ADGRL2: variants seen among roughly 807,000 people sequenced by gnomAD.
ADGRL2 encodes the protein calcium-independent alpha-latrotoxin receptor 2.
In ADGRL2, 44 loss-of-function variants were observed where a neutral mutation model predicts 157.4. That is an observed-to-expected ratio of 0.28 (90% CI 0.22 to 0.36). The LOEUF (loss-of-function observed/expected upper bound fraction) is 0.36. Among genes scored for constraint, ADGRL2 ranks in the 10% least tolerant of loss-of-function variants. ADGRL2 has a pLI of 1.00. For synonymous variants in ADGRL2, 585 were observed against 624.7 expected (o/e 0.94, Z 0.95); for missense variants, 1,510 against 1,768.9 (o/e 0.85, Z 2.63).
intron 1 of ADGRL2, among the ~76,000 whole-genome samples, chr1:81,387,028 G>T (rs112740888): frequency 1.1e-4 from 16 of 152,168 alleles, no homozygotes; most frequent in African/African-American, 3.6e-4. Flanking sequence ...CCTTTTAAAA[G>T]AAAATTTTAG....
chr1:81,690,607 G>C (rs2083312343), intron 3 of ADGRL2, among the ~76,000 whole-genome samples: 1 of 152,222 alleles, frequency 6.6e-6, no homozygotes, highest in Non-Finnish European at 1.5e-5. Flanking sequence ...ATGTAAAAGA[G>C]TTGTTTTGGC....
At chr1:81,323,242 G>GGTTTTTTTTGTTTT (rs1553153428) in intron 1 of ADGRL2, among the ~76,000 whole-genome samples, 354 of 151,226 alleles carry the variant, frequency 2.3e-3, no homozygotes, top group African/African-American at 8.1e-3. Context: ...AAATTTTTCT[G>GGTTTTTTTTGTTTT]TTTTTTTTGT....
At chr1:81,957,417 C>T (rs1027615289) in intron 11 of ADGRL2, among the ~76,000 whole-genome samples, 8 of 152,040 alleles carry the variant, frequency 5.3e-5, no homozygotes, top group Admixed American at 2.6e-4. Flanking sequence ...GATTATTTTT[C>T]GCTGGGCACA....
At chr1:81,749,428 T>C (rs1028548894) in intron 1 of ADGRL2, among the ~76,000 whole-genome samples, 1 of 152,176 alleles carries the variant, frequency 6.6e-6, no homozygotes, top group African/African-American at 2.4e-5. Flanking sequence ...TGTTCTCTCA[T>C]TTTTCTTCAT....
intron 1 of ADGRL2, among the ~76,000 whole-genome samples, chr1:81,802,555 C>T (rs2088403207): frequency 6.6e-6 from 1 of 152,158 alleles, no homozygotes; most frequent in African/African-American, 2.4e-5. Context: ...GGATGAGGCT[C>T]CCGTAGCCAT....
At chr1:81,490,504 G>T (rs1049878321) in intron 2 of ADGRL2, among the ~76,000 whole-genome samples, 2 of 152,096 alleles carry the variant, frequency 1.3e-5, no homozygotes, top group Non-Finnish European at 2.9e-5. Context: ...GACTAAATAG[G>T]CAAGTTATTA....
In ADGRL2 at chr1:81,457,600, T is replaced by C. The variant is rs78608662; in HGVS notation, c.-248+12511T>C. Among the ~76,000 whole-genome samples the C allele has an allele frequency of 2.0e-4, 30 of 152,340 alleles. No homozygotes were observed. The East Asian group carries it at 4.8e-3, about 24-fold the overall frequency. On this transcript the variant is annotated intron_variant, in intron 2 of 24. Coordinates refer to the ADGRL2 transcript ENST00000370721. Reference sequence around the variant, plus strand: ...AAATGTCACTAGCAAAAAAACTTTTTTTCTTTTACTTTTTGTTAAATTCCT... The same window carrying C: ...AAATGTCACTAGCAAAAAAACTTTTCTTCTTTTACTTTTTGTTAAATTCCT...
chr1:81,422,884 C>G (rs1290955509), intron 1 of ADGRL2, among the ~76,000 whole-genome samples: 1 of 152,184 alleles, frequency 6.6e-6, no homozygotes, highest in Non-Finnish European at 1.5e-5. Flanking sequence ...CCAAAACATA[C>G]ACAATGTATT....
intron 1 of ADGRL2, among the ~76,000 whole-genome samples, chr1:81,734,025 C>T (rs1443209292): frequency 2.0e-5 from 3 of 152,060 alleles, no homozygotes; most frequent in Admixed American, 2.0e-4. Context: ...ACCTGTAATC[C>T]CAGCACTTTG....
intron 3 of ADGRL2, among the ~76,000 whole-genome samples, chr1:81,929,934 A>G (rs1463807200): frequency 6.6e-6 from 1 of 152,146 alleles, no homozygotes; most frequent in Non-Finnish European, 1.5e-5. Context: ...AGAAGATACT[A>G]CGTTTTACAG....
At chr1:81,411,304 G>A (rs2076941400) in intron 1 of ADGRL2, among the ~76,000 whole-genome samples, 1 of 152,176 alleles carries the variant, frequency 6.6e-6, no homozygotes, top group African/African-American at 2.4e-5. Flanking sequence ...TTTTTCACAA[G>A]CCTTAGATTA....
intron 2 of ADGRL2, among the ~76,000 whole-genome samples, chr1:81,497,098 A>G (rs966981111): frequency 5.3e-5 from 8 of 152,212 alleles, no homozygotes; most frequent in Non-Finnish European, 8.8e-5. Context: ...GGAATGACTT[A>G]TATAGGTTCC....
intron 1 of ADGRL2, among the ~76,000 whole-genome samples, chr1:81,341,029 A>T (rs1204761993): frequency 6.6e-6 from 1 of 152,112 alleles, no homozygotes; most frequent in African/African-American, 2.4e-5. Flanking sequence ...ATATGTTTGA[A>T]ACCTATCACA....
intron 2 of ADGRL2, among the ~76,000 whole-genome samples, chr1:81,902,302 A>G (rs2094501953): frequency 6.6e-6 from 1 of 152,180 alleles, no homozygotes; most frequent in South Asian, 2.1e-4. Flanking sequence ...TACCATATTT[A>G]AAGAGGCAGT....
chr1:81,560,425 G>A (rs1160009608), intron 2 of ADGRL2, among the ~76,000 whole-genome samples: 7 of 152,166 alleles, frequency 4.6e-5, no homozygotes, highest in Admixed American at 2.0e-4. Flanking sequence ...AATATACATC[G>A]AATCCTTAGT....
At chr1:81,741,378 G>A (rs2085068924) in intron 1 of ADGRL2, among the ~76,000 whole-genome samples, 1 of 151,890 alleles carries the variant, frequency 6.6e-6, no homozygotes, top group South Asian at 2.1e-4. Flanking sequence ...CTAAAACATA[G>A]TTCACGCAGA....
intron 2 of ADGRL2, among the ~76,000 whole-genome samples, chr1:81,858,459 A>G (rs2093279898): frequency 6.6e-6 from 1 of 152,208 alleles, no homozygotes; most frequent in Admixed American, 6.5e-5. Flanking sequence ...AATGAATATC[A>G]TTTTACCGTT....
At chr1:81,497,495 T>G (rs1171331367) in intron 2 of ADGRL2, among the ~76,000 whole-genome samples, 1 of 152,138 alleles carries the variant, frequency 6.6e-6, no homozygotes, top group African/African-American at 2.4e-5. Flanking sequence ...ATAAGTCTAA[T>G]CTTATAGAAC....
intron 1 of ADGRL2, among the ~76,000 whole-genome samples, chr1:81,345,504 G>A (rs926464364): frequency 1.3e-5 from 2 of 152,074 alleles, no homozygotes; most frequent in Non-Finnish European, 1.5e-5. Context: ...GTAACTGGAA[G>A]ATTAATCATA....
Sources: allele counts gnomAD v4.1 joint callset (sites outside exome capture counted in the v4.1 genomes callset), GRCh38; gene constraint gnomAD v4.1.1; transcripts MANE v1.5; gene names NCBI Gene and HGNC (gene_info 2026-07-23, HGNC 2026-07-21).